Variants in ATP8A1 observed in about 807,000 individuals in gnomAD.
ATP8A1 encodes the protein phospholipid-transporting ATPase IA.
Under a neutral mutation model 177.7 loss-of-function variants are expected in ATP8A1, and 90 were observed. That is an observed-to-expected ratio of 0.51 (90% CI 0.43 to 0.60). ATP8A1 has a LOEUF of 0.60. Ranked by LOEUF, ATP8A1 falls within the 20% of genes least tolerant of loss-of-function variation. The pLI is 0.00. For missense variants in ATP8A1, 1,072 were observed against 1,392.8 expected (o/e 0.77, Z 3.67); for synonymous variants, 493 against 485.9 (o/e 1.01, Z -0.19).
intron 24 of ATP8A1, among the ~76,000 whole-genome samples, chr4:42,487,651 T>C (rs988441938): frequency 1.1e-4 from 17 of 152,156 alleles, no homozygotes; most frequent in Admixed American, 5.2e-4. Context: ...TATATATATA[T>C]GGTCATTTTG....
chr4:42,552,482 C>G, intron 17 of ATP8A1, 23 bp downstream of exon 17: 1 of 1,551,572 alleles, frequency 6.4e-7, no homozygotes, highest in Non-Finnish European at 8.9e-7. Context: ...CAAAACAATA[C>G]TTTACAATTG....
intron 1 of ATP8A1, among the ~76,000 whole-genome samples, chr4:42,654,288 TTAGAC>T (rs1741405521): frequency 6.6e-6 from 1 of 152,228 alleles, no homozygotes; most frequent in Non-Finnish European, 1.5e-5. Flanking sequence ...ACATCCCCTC[TTAGAC>T]TATTTATTCC....
chr4:42,508,264 C>T (rs1724658546), intron 22 of ATP8A1, among the ~76,000 whole-genome samples: 1 of 152,124 alleles, frequency 6.6e-6, no homozygotes, highest in African/African-American at 2.4e-5. Context: ...TCCAGAGTAG[C>T]TTGGATTATA....
intron 5 of ATP8A1, among the ~76,000 whole-genome samples, chr4:42,613,194 C>T (rs995556669): frequency 1.3e-5 from 2 of 152,194 alleles, no homozygotes; most frequent in Admixed American, 6.5e-5. Context: ...CTCCTATCAA[C>T]TGCCAAACCA....
intron 6 of ATP8A1, among the ~76,000 whole-genome samples, chr4:42,599,959 C>T (rs190676536): frequency 1.3e-5 from 2 of 152,262 alleles, no homozygotes; most frequent in Non-Finnish European, 2.9e-5. Context: ...TATGACTTAA[C>T]CTACTAACTG....
intron 24 of ATP8A1, 45 bp from the exon 25 acceptor site, chr4:42,485,713 T>G (rs1476766948): frequency 6.5e-7 from 1 of 1,531,914 alleles, no homozygotes; most frequent in African/African-American, 1.4e-5. Context: ...TTTACTCCCA[T>G]TTGTTCTACT....
At chr4:42,649,275 G>A (rs1244418818) in intron 1 of ATP8A1, among the ~76,000 whole-genome samples, 1 of 151,982 alleles carries the variant, frequency 6.6e-6, no homozygotes, top group African/African-American at 2.4e-5. Flanking sequence ...ACTATTCCAG[G>A]CACTAAGGAT....
intron 33 of ATP8A1, among the ~76,000 whole-genome samples, chr4:42,441,572 T>A (rs2153174065): frequency 6.6e-6 from 1 of 152,244 alleles, no homozygotes; most frequent in East Asian, 1.9e-4. Flanking sequence ...TAAATGGAGA[T>A]GATTTACCTC....
intron 12 of ATP8A1, among the ~76,000 whole-genome samples, chr4:42,576,566 A>G (rs1461351813): frequency 6.7e-6 from 1 of 149,856 alleles, no homozygotes; most frequent in Non-Finnish European, 1.5e-5. Flanking sequence ...AGACTTGACT[A>G]TATTATCCTA....
chr4:42,600,296 C>T (rs1391436250), intron 6 of ATP8A1, among the ~76,000 whole-genome samples, 182 bp downstream of exon 6: 1 of 152,104 alleles, frequency 6.6e-6, no homozygotes, highest in Non-Finnish European at 1.5e-5. Flanking sequence ...ATAAGTCTTT[C>T]TATAATACAG....
chr4:42,620,499 G>T (rs1737358427), intron 4 of ATP8A1, among the ~76,000 whole-genome samples: 1 of 152,160 alleles, frequency 6.6e-6, no homozygotes, highest in Non-Finnish European at 1.5e-5. Flanking sequence ...TTCAAAGATG[G>T]AGTACTAGAA....
chr4:42,642,688 C>A (rs909641019), intron 1 of ATP8A1, among the ~76,000 whole-genome samples: 1 of 152,142 alleles, frequency 6.6e-6, no homozygotes, highest in African/African-American at 2.4e-5. Flanking sequence ...CTTCAAGAAC[C>A]TTCTAATGCC....
intron 22 of ATP8A1, among the ~76,000 whole-genome samples, chr4:42,511,640 T>C (rs1725012955): frequency 6.6e-6 from 1 of 152,176 alleles, no homozygotes; most frequent in Non-Finnish European, 1.5e-5. Context: ...AAAAGGCACA[T>C]AAATGTAACA....
At chr4:42,422,206 C>T (rs1296105209) in intron 35 of ATP8A1, among the ~76,000 whole-genome samples, 1 of 152,118 alleles carries the variant, frequency 6.6e-6, no homozygotes, top group Non-Finnish European at 1.5e-5. Context: ...ATTCTCTTGC[C>T]TCAGCCTCCT....
chr4:42,578,811 T>C (rs1392118661), intron 11 of ATP8A1, among the ~76,000 whole-genome samples: 2 of 152,108 alleles, frequency 1.3e-5, no homozygotes, highest in Admixed American at 1.3e-4. Context: ...ATCCAAACTA[T>C]ATGAGTAATA....
chr4:42,484,454 A>G (rs1354710215), intron 25 of ATP8A1, among the ~76,000 whole-genome samples: 1 of 152,188 alleles, frequency 6.6e-6, no homozygotes, highest in Non-Finnish European at 1.5e-5. Flanking sequence ...CTTATAAAGG[A>G]TATTGAGAAT....
intron 33 of ATP8A1, among the ~76,000 whole-genome samples, chr4:42,428,498 C>T (rs547292982): frequency 1.3e-5 from 2 of 152,222 alleles, no homozygotes; most frequent in Admixed American, 1.3e-4. Flanking sequence ...TTAGCATCTT[C>T]ACATTTATCC....
intron 24 of ATP8A1, among the ~76,000 whole-genome samples, chr4:42,497,265 A>G (rs1225908798): frequency 6.6e-6 from 1 of 152,200 alleles, no homozygotes; most frequent in Non-Finnish European, 1.5e-5. Flanking sequence ...CACCAGCTCT[A>G]AAGGAGCACA....
intron 33 of ATP8A1, 67 bp downstream of exon 33, chr4:42,443,498 T>A (rs1318149882): frequency 1.2e-5 from 9 of 727,848 alleles, no homozygotes; most frequent in Admixed American, 2.1e-5. Context: ...TGCTAAACGA[T>A]TAAGGTTTGC....
Sources: gnomAD v4.1 joint callset for allele counts (sites outside exome capture counted in the v4.1 genomes callset) on GRCh38, gnomAD v4.1.1 for gene constraint, MANE v1.5 for transcripts, NCBI Gene and HGNC (gene_info 2026-07-23, HGNC 2026-07-21) for gene names.